SRGN: variants seen among roughly 807,000 people sequenced by gnomAD.
SRGN encodes the protein serglycin.
SRGN carries 2 observed loss-of-function variants against 9.5 expected under a neutral mutation model. The ratio of observed to expected loss-of-function variants is 0.21; its 90% CI spans 0.09 to 0.66. The LOEUF is 0.66. Ranked by LOEUF, SRGN falls within the 30% of genes least tolerant of loss-of-function variation. The pLI is 0.83. For missense variants in SRGN, 170 were observed against 192.4 expected (o/e 0.88, Z 0.69); for synonymous variants, 59 against 72.3 (o/e 0.82, Z 0.93).
intron 2 of SRGN, among the ~76,000 whole-genome samples, chr10:69,097,676 C>T (rs1166973817): frequency 6.6e-6 from 1 of 152,088 alleles, no homozygotes; most frequent in African/African-American, 2.4e-5. Flanking sequence ...ATCCGCCCGC[C>T]TTGACCTCCC....
chr10:69,097,148 C>T lies in SRGN; in HGVS notation c.144C>T (p.Asn48=). 6.2e-7 allele frequency: 1 copy of T among 1,614,094 alleles called. No individual in the cohort carries two copies. The highest frequency in any genetic ancestry group is 8.5e-7 in the Non-Finnish European group (1 of 1,179,948). ...GCAATCCAGACAGTAATTCTGCAAA[C>T]TGCCTTGAAGAAAAAGGACCAATGT... ...VRCNPDSNSA[N]CLEEKGPMFE... The change falls in exon 2 of 3, where the codon AAC becomes AAT. Residue 48 remains asparagine (N), a synonymous_variant. Coordinates refer to ENST00000242465, the MANE Select transcript of SRGN (RefSeq NM_002727.4).
At chr10:69,097,905 G>T (rs1233814492) in intron 2 of SRGN, among the ~76,000 whole-genome samples, 1 of 152,122 alleles carries the variant, frequency 6.6e-6, no homozygotes, top group African/African-American at 2.4e-5. Context: ...ACAACCTCTT[G>T]GCACAGATGT....
chr10:69,095,646 C>T (rs1015443954), intron 1 of SRGN, among the ~76,000 whole-genome samples: 1 of 152,272 alleles, frequency 6.6e-6, no homozygotes, highest in Non-Finnish European at 1.5e-5. Flanking sequence ...CATGGTGGCT[C>T]ACGCCTGTAA....
intron 2 of SRGN, among the ~76,000 whole-genome samples, chr10:69,097,838 A>G (rs1840210276): frequency 1.3e-5 from 2 of 152,206 alleles, no homozygotes; most frequent in African/African-American, 2.4e-5. Flanking sequence ...TGTTGGGATT[A>G]CAAGCATGAG....
intron 2 of SRGN, among the ~76,000 whole-genome samples, chr10:69,100,109 T>C (rs1178330960): frequency 1.3e-5 from 2 of 152,118 alleles, no homozygotes; most frequent in African/African-American, 4.8e-5. Context: ...ATCCCAGCTA[T>C]TGAGAGGCCG....
upstream of SRGN, among the ~76,000 whole-genome samples, chr10:69,087,607 T>C (rs1007952227): frequency 1.3e-5 from 2 of 151,308 alleles, no homozygotes; most frequent in Non-Finnish European, 1.5e-5. Context: ...CAACTCATTC[T>C]TGAAGGTTAG....
rs147166958 is a variant in SRGN at position 69,097,564 on chromosome 10, C to T, written c.227+333C>T. Among the ~76,000 whole-genome samples, 372 of 151,960 alleles carry T rather than the reference C, an allele frequency of 2.4e-3. 8 individuals are homozygous for T. In the East Asian group the frequency reaches 0.053, roughly 22 times the overall value. On this transcript the variant is annotated intron_variant, in intron 2 of 2. Coordinates refer to ENST00000242465, the MANE Select transcript of SRGN (RefSeq NM_002727.4). ...GCCTCAGCCTCCCGAGTAGCTGGGA[C>T]TACAGGCACCCGCCACCACGCCCGG...
In SRGN at chr10:69,104,152, T is replaced by G. The variant is rs1466890366; in HGVS notation, c.*32T>G. ...ATTTTCCCACCTTGACACCAGGCAA[T>G]GTAGTTAGCATATTTTATGTACCAT... is the stretch of plus-strand genomic sequence containing the variant. On this transcript the variant is annotated 3_prime_UTR_variant, in exon 3 of 3. Transcript: ENST00000242465. 6.2e-7 allele frequency: 1 copy of G among 1,604,780 alleles called. No homozygotes were observed. The highest frequency in any genetic ancestry group is 2.2e-5 in the East Asian group (1 of 44,660).
At chr10:69,097,305 G>C in intron 2 of SRGN, 74 bp downstream of exon 2, 1 of 1,347,058 alleles carries the variant, frequency 7.4e-7, no homozygotes, top group South Asian at 1.3e-5. Flanking sequence ...TTCTTGCCCA[G>C]GCTGGAGTGC....
At chr10:69,088,026 A>T, upstream of SRGN, 1 of 690,500 alleles carries the variant, frequency 1.4e-6, no homozygotes, top group Non-Finnish European at 2.5e-6. Flanking sequence ...CTATTTGTTC[A>T]GGAAATTGTG....
At chr10:69,097,270 A>G (rs1167367761) in intron 2 of SRGN, 39 bp downstream of exon 2, 1 of 1,548,810 alleles carries the variant, frequency 6.5e-7, no homozygotes, top group Non-Finnish European at 8.8e-7. Context: ...TTAATTACTT[A>G]TTTATTTGAG....
intron 2 of SRGN, among the ~76,000 whole-genome samples, chr10:69,100,597 G>A (rs994475337): frequency 1.3e-5 from 2 of 151,996 alleles, no homozygotes; most frequent in African/African-American, 2.4e-5. Context: ...CCGTCATTGC[G>A]AAAGAATGGT....
intron 2 of SRGN, among the ~76,000 whole-genome samples, chr10:69,103,180 T>A (rs1224750954): frequency 6.6e-6 from 1 of 152,038 alleles, no homozygotes; most frequent in Non-Finnish European, 1.5e-5. Context: ...CCTCAAGTGA[T>A]CACCCACCTT....
rs1302074847 is a variant in SRGN, at chr10:69,097,315, C to T, written c.227+84C>T. ...CACTTTTCTTGCCCAGGCTGGAGTG[C>T]AATGGCGCAATCTTAGCTCACTGCA... On this transcript the variant is annotated intron_variant, in intron 2 of 2. Transcript: ENST00000242465. The T allele has an allele frequency of 7.7e-6, 9 of 1,168,832 alleles. No individual in the cohort carries two copies. In the African/African-American group the frequency reaches 1.4e-4, roughly 18 times the overall value. 72.4% of individuals were successfully genotyped at this position (1,168,832 alleles called of 1,614,324 possible).
Position 69,088,250 on chromosome 10 carries a change from G to A in SRGN, c.79+14G>A. Reference sequence around the variant, plus strand: ...CCTCAGTTCAAGGTAAGACTCAGGAGTCTTGTTCCCCAGCCATCTTCTCTG... The same window carrying A: ...CCTCAGTTCAAGGTAAGACTCAGGAATCTTGTTCCCCAGCCATCTTCTCTG... On this transcript the variant is annotated intron_variant, in intron 1 of 2. Coordinates refer to ENST00000242465, the MANE Select transcript of SRGN (RefSeq NM_002727.4). 4 of 1,610,564 alleles carry A rather than the reference G, an allele frequency of 2.5e-6. No homozygotes were observed. The highest frequency in any genetic ancestry group is 3.4e-6 in the Non-Finnish European group (4 of 1,176,816).
At chr10:69,091,878 T>C (rs1840063033) in intron 1 of SRGN, among the ~76,000 whole-genome samples, 1 of 5,670 alleles carries the variant, frequency 1.8e-4, no homozygotes, top group Non-Finnish European at 2.8e-4. Context: ...AGACTCTGTC[T>C]CAAAAAAAAA....
At chr10:69,092,587 A>T (rs1348657218) in intron 1 of SRGN, among the ~76,000 whole-genome samples, 1 of 152,180 alleles carries the variant, frequency 6.6e-6, no homozygotes, top group Non-Finnish European at 1.5e-5. Flanking sequence ...TGAGGTCAAG[A>T]GTTTGAGACT....
intron 1 of SRGN, among the ~76,000 whole-genome samples, chr10:69,091,393 G>T (rs919055543): frequency 1.3e-5 from 2 of 152,144 alleles, no homozygotes; most frequent in Non-Finnish European, 1.5e-5. Context: ...AAACTTAGGA[G>T]CTTTTTATAG....
intron 1 of SRGN, among the ~76,000 whole-genome samples, chr10:69,096,136 C>T (rs75142737): frequency 0.012 from 1,817 of 152,174 alleles, 24 homozygotes; most frequent in African/African-American, 0.041. Context: ...TACTGTATGG[C>T]CCTAAAACAC....
Sources: allele counts gnomAD v4.1 joint callset (sites outside exome capture counted in the v4.1 genomes callset), GRCh38; gene constraint gnomAD v4.1.1; transcripts MANE v1.5; gene names NCBI Gene and HGNC (gene_info 2026-07-23, HGNC 2026-07-21).